The following LARGE1 variants were observed in gnomAD, a reference collection of about 807,000 sequenced individuals.
The protein encoded by LARGE1 is LARGE xylosyl- and glucuronyltransferase 1.
Under a neutral mutation model 87.6 loss-of-function variants are expected in LARGE1, and 43 were observed. The observed-to-expected ratio is 0.49, with a 90% confidence interval of 0.38 to 0.63. The LOEUF (loss-of-function observed/expected upper bound fraction) is 0.63. LARGE1 is among the 30% of genes least tolerant of loss of function. LARGE1 has a pLI of 0.00. For synonymous variants in LARGE1, 434 were observed against 394.6 expected (o/e 1.10, Z -1.18); for missense variants, 802 against 1,000.2 (o/e 0.80, Z 2.67).
At chr22:33,349,665 T>C (rs1440221521) in intron 9 of LARGE1, among the ~76,000 whole-genome samples, 1 of 152,118 alleles carries the variant, frequency 6.6e-6, no homozygotes, top group Non-Finnish European at 1.5e-5. Flanking sequence ...CCTTTCCAAT[T>C]CCTGACAATT....
At chr22:33,703,310 G>A (rs1485708676) in intron 2 of LARGE1, among the ~76,000 whole-genome samples, 2 of 146,418 alleles carry the variant, frequency 1.4e-5, no homozygotes, top group African/African-American at 5.1e-5. Context: ...GTATACCTAT[G>A]CAACAAACCT....
At chr22:33,276,304 G>A (rs1439767388) in intron 14 of LARGE1, among the ~76,000 whole-genome samples, 1 of 152,010 alleles carries the variant, frequency 6.6e-6, no homozygotes, top group African/African-American at 2.4e-5. Context: ...TTTAACACAG[G>A]GGCTGAAAAA....
intron 1 of LARGE1, among the ~76,000 whole-genome samples, chr22:33,860,378 C>A (rs2063880892): frequency 6.6e-6 from 1 of 152,146 alleles, no homozygotes; most frequent in Non-Finnish European, 1.5e-5. Context: ...CACAGTCTAA[C>A]CCATAGCACC....
At chr22:33,877,366 C>T (rs1368872132) in intron 1 of LARGE1, among the ~76,000 whole-genome samples, 2 of 152,036 alleles carry the variant, frequency 1.3e-5, no homozygotes, top group Admixed American at 1.3e-4. Flanking sequence ...AATGAAAGCC[C>T]CAAGTATCCT....
intron 7 of LARGE1, among the ~76,000 whole-genome samples, chr22:33,394,520 C>G (rs1333378376): frequency 2.0e-5 from 3 of 152,270 alleles, no homozygotes; most frequent in African/African-American, 7.2e-5. Context: ...ATTCTTATGA[C>G]AAACTTGCAA....
chr22:33,921,918 G>A (rs1569036855), upstream of LARGE1, among the ~76,000 whole-genome samples: 1 of 152,034 alleles, frequency 6.6e-6, no homozygotes, highest in Non-Finnish European at 1.5e-5. This position sits in a 1 kb window ranked among gnomAD's most constrained non-coding sequence, Gnocchi z 4.1. Flanking sequence ...AGACCCAGAG[G>A]AGGCGAAAGC....
intron 6 of LARGE1, among the ~76,000 whole-genome samples, chr22:33,479,410 G>A (rs193208248): frequency 2.6e-5 from 4 of 152,320 alleles, no homozygotes; most frequent in Admixed American, 2.0e-4. Context: ...AGAGGGAAAG[G>A]GAAGGGAGAA....
intron 11 of LARGE1, among the ~76,000 whole-genome samples, chr22:33,177,057 A>C (rs182157938): frequency 6.6e-6 from 1 of 152,364 alleles, no homozygotes; most frequent in East Asian, 1.9e-4. Context: ...TAACACAAGG[A>C]AAGAAAACCA....
intron 2 of LARGE1, among the ~76,000 whole-genome samples, chr22:33,677,339 G>A (rs1387547007): frequency 1.6e-4 from 24 of 150,040 alleles, no homozygotes; most frequent in African/African-American, 2.4e-5. Flanking sequence ...CTGGCCCAAG[G>A]AAAAAGGACA....
chr22:33,551,581 T>C (rs1299551263), intron 6 of LARGE1, among the ~76,000 whole-genome samples: 1 of 152,218 alleles, frequency 6.6e-6, no homozygotes, highest in Non-Finnish European at 1.5e-5. Context: ...CTTCTTTTCT[T>C]AGCACATGAT....
intron 6 of LARGE1, among the ~76,000 whole-genome samples, chr22:33,462,890 T>A (rs1601948770): frequency 6.6e-6 from 1 of 151,506 alleles, no homozygotes; most frequent in Admixed American, 6.6e-5. Flanking sequence ...ATAACAAGCA[T>A]GTAACTCAGA....
chr22:33,484,539 G>C (rs1033404573), intron 6 of LARGE1, among the ~76,000 whole-genome samples: 4 of 152,182 alleles, frequency 2.6e-5, no homozygotes, highest in African/African-American at 9.7e-5. Context: ...GCTTTGAAGG[G>C]CTGTGACTCT....
At chr22:33,550,368 C>T (rs2077491581) in intron 6 of LARGE1, among the ~76,000 whole-genome samples, 2 of 152,094 alleles carry the variant, frequency 1.3e-5, no homozygotes, top group African/African-American at 4.8e-5. Context: ...ACATTTTCCT[C>T]AGGGGACATT....
intron 2 of LARGE1, among the ~76,000 whole-genome samples, chr22:33,726,513 T>C (rs779998137): frequency 6.6e-6 from 1 of 152,164 alleles, no homozygotes; most frequent in Non-Finnish European, 1.5e-5. Flanking sequence ...ACCGTACAAA[T>C]CCTAAATTCC....
chr22:33,879,403 C>T (rs1041171559), intron 1 of LARGE1, among the ~76,000 whole-genome samples: 1 of 152,198 alleles, frequency 6.6e-6, no homozygotes, highest in Non-Finnish European at 1.5e-5. Context: ...ATCCTGCATC[C>T]CCATTTGACA....
chr22:33,784,286 T>C (rs1481913115), intron 1 of LARGE1, among the ~76,000 whole-genome samples: 2 of 152,012 alleles, frequency 1.3e-5, no homozygotes, highest in East Asian at 3.9e-4. Context: ...TCACATACGT[T>C]GTCTTACTAA....
At chr22:33,671,138 C>A (rs2081397402) in intron 2 of LARGE1, among the ~76,000 whole-genome samples, 1 of 152,132 alleles carries the variant, frequency 6.6e-6, no homozygotes, top group Non-Finnish European at 1.5e-5. Context: ...CTTCTAGGCA[C>A]ACCAAAAAAC....
At chr22:33,578,802 AAAATT>A (rs1569286313) in intron 5 of LARGE1, among the ~76,000 whole-genome samples, 1 of 152,234 alleles carries the variant, frequency 6.6e-6, no homozygotes, top group South Asian at 2.1e-4. Context: ...AGAACATAGC[AAAATT>A]AATTGTACTC....
chr22:33,473,344 A>AT (rs2148128999), intron 6 of LARGE1, among the ~76,000 whole-genome samples: 1 of 150,794 alleles, frequency 6.6e-6, no homozygotes, highest in South Asian at 2.1e-4. Context: ...AGTTCTTTTT[A>AT]TTTTTTATTT....
Sources: allele counts gnomAD v4.1 joint callset (sites outside exome capture counted in the v4.1 genomes callset), GRCh38; gene constraint gnomAD v4.1.1; non-coding constraint Gnocchi (gnomAD v3.1); transcripts MANE v1.5; gene names NCBI Gene and HGNC (gene_info 2026-07-23, HGNC 2026-07-21).